The following NXPH2 variants were observed in gnomAD, a reference collection of about 807,000 sequenced individuals.
The protein encoded by NXPH2 is neurexophilin 2.
Under a neutral mutation model 19.8 loss-of-function variants are expected in NXPH2, and 5 were observed. The ratio of observed to expected loss-of-function variants is 0.25; its 90% CI spans 0.13 to 0.53. NXPH2 has a LOEUF of 0.53. Among genes scored for constraint, NXPH2 ranks in the 20% least tolerant of loss-of-function variants. The probability of loss-of-function intolerance (pLI) is 0.96; values close to 1 mark genes in which losing one functional copy is unlikely to be tolerated. For synonymous variants in NXPH2, 154 were observed against 127.4 expected (o/e 1.21, Z -1.41); for missense variants, 289 against 322.8 (o/e 0.90, Z 0.80).
At position 138,716,681 on chromosome 2, in the gene NXPH2, C is replaced by T. The variant is rs535347872; in HGVS notation, c.52-45016G>A. 2.8e-4 allele frequency among the ~76,000 whole-genome samples: 42 copies of T among 152,282 alleles called. No individual in the cohort carries two copies. In the East Asian group the frequency reaches 7.1e-3, roughly 26 times the overall value. On this transcript the variant is annotated intron_variant, in intron 1 of 1. Transcript: ENST00000272641. ...GTTATCCTGAGTAGCCCCTTATGAT[C>T]GGTTCCACCCAATTGACTGATGTAG... is the stretch of plus-strand genomic sequence containing the variant.
chr2:138,762,675 T>C (rs1682035122), intron 1 of NXPH2, among the ~76,000 whole-genome samples: 1 of 152,186 alleles, frequency 6.6e-6, no homozygotes, highest in East Asian at 1.9e-4. Flanking sequence ...AAATCTCTTC[T>C]CTGACAGCCT....
intron 1 of NXPH2, among the ~76,000 whole-genome samples, chr2:138,715,611 C>G (rs1422802706): frequency 1.3e-5 from 2 of 152,122 alleles, no homozygotes; most frequent in Non-Finnish European, 2.9e-5. Flanking sequence ...AGGTGGGTTT[C>G]CCAGGAGGGC....
intron 1 of NXPH2, among the ~76,000 whole-genome samples, chr2:138,767,216 C>T (rs895882974): frequency 1.3e-5 from 2 of 152,208 alleles, no homozygotes; most frequent in Non-Finnish European, 1.5e-5. Flanking sequence ...GATATAACGT[C>T]AGTGGAACCC....
At chr2:138,734,432 G>C (rs371587473) in intron 1 of NXPH2, among the ~76,000 whole-genome samples, 4 of 152,188 alleles carry the variant, frequency 2.6e-5, no homozygotes, top group Non-Finnish European at 5.9e-5. Flanking sequence ...ATAATTTAGA[G>C]AGAAAGGCAA....
intron 1 of NXPH2, among the ~76,000 whole-genome samples, chr2:138,687,544 G>C (rs914860218): frequency 2.0e-5 from 3 of 152,026 alleles, no homozygotes; most frequent in Admixed American, 6.6e-5. Context: ...TGCAGAAGCT[G>C]TTTAGTGTAA....
At chr2:138,771,404 G>A (rs911128501) in intron 1 of NXPH2, among the ~76,000 whole-genome samples, 1 of 151,908 alleles carries the variant, frequency 6.6e-6, no homozygotes, top group Non-Finnish European at 1.5e-5. Flanking sequence ...ATAATGCCCT[G>A]AGTATAAGGT....
intron 1 of NXPH2, among the ~76,000 whole-genome samples, chr2:138,716,885 A>T (rs1253998879): frequency 6.6e-6 from 1 of 152,208 alleles, no homozygotes; most frequent in African/African-American, 2.4e-5. Context: ...ATTGAAGGGC[A>T]ATTGGTTGGT....
intron 1 of NXPH2, among the ~76,000 whole-genome samples, chr2:138,720,670 C>A (rs996939262): frequency 6.6e-6 from 1 of 152,232 alleles, no homozygotes; most frequent in Non-Finnish European, 1.5e-5. Flanking sequence ...GGAGCCACGG[C>A]AGCACAGGGG....
At chr2:138,775,336 G>T (rs1682244915) in intron 1 of NXPH2, among the ~76,000 whole-genome samples, 1 of 152,048 alleles carries the variant, frequency 6.6e-6, no homozygotes. Context: ...GAAGTTTTCA[G>T]TCAATCACAT....
rs913704144 is a variant in NXPH2 at position 138,670,684 on chromosome 2, T to C, written c.*238A>G. 5.2e-6 allele frequency: 2 copies of C among 384,628 alleles called. No individual in the cohort carries two copies. Among genetic ancestry groups the C allele is most frequent in the Non-Finnish European group, 9.2e-6 (2 of 216,746 alleles). The allele number at this position is 384,628 out of a possible 1,614,324, so 23.8% of individuals were successfully genotyped here. On this transcript the variant is annotated 3_prime_UTR_variant, in exon 2 of 2. Coordinates refer to ENST00000272641, the MANE Select transcript of NXPH2 (RefSeq NM_007226.3). ...ATTTCTAGAACTTAGTCATCTTGCA[T>C]GAAAGTGATGGTTTCATAAACAGTT...
At chr2:138,686,718 C>A (rs1680661109) in intron 1 of NXPH2, among the ~76,000 whole-genome samples, 1 of 152,114 alleles carries the variant, frequency 6.6e-6, no homozygotes, top group Non-Finnish European at 1.5e-5. Flanking sequence ...CACCCCACAA[C>A]AGGCCCCAGT....
At chr2:138,687,038 C>T (rs1035249572) in intron 1 of NXPH2, among the ~76,000 whole-genome samples, 1 of 152,146 alleles carries the variant, frequency 6.6e-6, no homozygotes, top group African/African-American at 2.4e-5. Context: ...TTTATAGCAG[C>T]ATGATTTATA....
At chr2:138,708,654 A>AT (rs1418775160) in intron 1 of NXPH2, among the ~76,000 whole-genome samples, 1 of 152,210 alleles carries the variant, frequency 6.6e-6, no homozygotes, top group Non-Finnish European at 1.5e-5. Flanking sequence ...GGCCAAGCTA[A>AT]TGTGAGGTAT....
rs910705073 is a variant in NXPH2, at chr2:138,779,067, C to T, written c.51+1124G>A. Among the ~76,000 whole-genome samples, 38 of 152,282 alleles carry T rather than the reference C, an allele frequency of 2.5e-4. 1 individual carries two copies. Among genetic ancestry groups the T allele is most frequent in the African/African-American group, 8.4e-4 (35 of 41,556 alleles). On this transcript the variant is annotated intron_variant, in intron 1 of 1. Transcript: ENST00000272641. ...TACATATCATAAACTTTCAAAGTTA[C>T]TTGATTTTCCCCCTAATAGGAAAAG...
chr2:138,729,581 C>T (rs1018079404), intron 1 of NXPH2, among the ~76,000 whole-genome samples: 6 of 152,180 alleles, frequency 3.9e-5, no homozygotes, highest in African/African-American at 1.4e-4. Flanking sequence ...CTAAAATCTT[C>T]CTGCTGCATT....
intron 1 of NXPH2, among the ~76,000 whole-genome samples, chr2:138,776,671 C>T (rs192626919): frequency 1.1e-4 from 16 of 149,794 alleles, no homozygotes; most frequent in African/African-American, 2.9e-4. Flanking sequence ...ACTATTCATC[C>T]GGCACTGGAA....
chr2:138,747,876 C>G (rs901363377), intron 1 of NXPH2, among the ~76,000 whole-genome samples: 1 of 152,196 alleles, frequency 6.6e-6, no homozygotes, highest in African/African-American at 2.4e-5. Context: ...TTTCAGTTTA[C>G]TGCTTCCATC....
chr2:138,775,936 T>TGTA lies in NXPH2; in HGVS notation c.51+4252_51+4254dup, dbSNP rs1272570810. On this transcript the variant is annotated intron_variant, in intron 1 of 1. Coordinates refer to ENST00000272641, the MANE Select transcript of NXPH2 (RefSeq NM_007226.3). ...ACAGAAACGCTGACACAGCCTTAAC[T>TGTA]GTAAGCACTTGAGTGTGCAGCTATA... Among the ~76,000 whole-genome samples, 13 of 152,302 alleles carry TGTA rather than the reference T, an allele frequency of 8.5e-5. 1 individual carries two copies. In the East Asian group the frequency reaches 1.9e-3, roughly 23 times the overall value.
chr2:138,733,384 G>T (rs1411809751), intron 1 of NXPH2, among the ~76,000 whole-genome samples: 2 of 152,170 alleles, frequency 1.3e-5, no homozygotes, highest in East Asian at 3.8e-4. Flanking sequence ...ATGAAGATCT[G>T]GATATTTTAT....
Sources: allele counts gnomAD v4.1 joint callset (sites outside exome capture counted in the v4.1 genomes callset), GRCh38; gene constraint gnomAD v4.1.1; transcripts MANE v1.5; gene names NCBI Gene and HGNC (gene_info 2026-07-23, HGNC 2026-07-21).